Variants in NBEA observed in about 807,000 individuals in gnomAD.
NBEA encodes the protein neurobeachin.
In NBEA, 44 loss-of-function variants were observed where a neutral mutation model predicts 343.4. That is an observed-to-expected ratio of 0.13 (90% CI 0.10 to 0.16). The LOEUF is 0.16. Among genes scored for constraint, NBEA ranks in the 10% least tolerant of loss-of-function variants. The pLI is 1.00. For missense variants in NBEA, 2,555 were observed against 3,631.3 expected (o/e 0.70, Z 7.62); for synonymous variants, 1,175 against 1,238.7 (o/e 0.95, Z 1.08).
Position 35,157,287 on chromosome 13 carries a change from C to T in NBEA, c.2844+17C>T. 1 of 1,503,516 alleles carries T rather than the reference C, an allele frequency of 6.7e-7. No individual in the cohort carries two copies. Among genetic ancestry groups the T allele is most frequent in the African/African-American group, 1.4e-5 (1 of 71,540 alleles). The allele number at this position is 1,503,516 out of a possible 1,614,324, so 93.1% of individuals were successfully genotyped here. On this transcript the variant is annotated intron_variant, in intron 21 of 58. Coordinates refer to ENST00000379939, the MANE Select transcript of NBEA (RefSeq NM_001385012.1). ...CATTCCAAGGTAACACGGGATTTAA[C>T]ATTTTAACATCATCAGAGTTATTGC... is the stretch of plus-strand genomic sequence containing the variant.
chr13:35,532,081 G>T (rs1282067105), intron 41 of NBEA, among the ~76,000 whole-genome samples: 2 of 152,146 alleles, frequency 1.3e-5, no homozygotes, highest in Non-Finnish European at 2.9e-5. Context: ...GCTTCAAATT[G>T]TCAGCTATTA....
intron 38 of NBEA, among the ~76,000 whole-genome samples, chr13:35,369,330 G>A (rs954902451): frequency 6.6e-6 from 1 of 151,572 alleles, no homozygotes; most frequent in Non-Finnish European, 1.5e-5. Context: ...GATGCCTGCA[G>A]CTTTGTCCTT....
chr13:35,606,695 C>T, intron 48 of NBEA, 117 bp downstream of exon 48: 2 of 786,870 alleles, frequency 2.5e-6, no homozygotes, highest in Middle Eastern at 2.5e-4. Context: ...TCTATAAATA[C>T]AAGCTTAAAA....
chr13:35,336,607 A>G (rs966746501), intron 36 of NBEA, among the ~76,000 whole-genome samples: 1 of 152,126 alleles, frequency 6.6e-6, no homozygotes, highest in African/African-American at 2.4e-5. Context: ...ACAATAGCAG[A>G]GACATGGAAT....
intron 11 of NBEA, among the ~76,000 whole-genome samples, chr13:35,101,523 G>C (rs1401593268): frequency 1.3e-5 from 2 of 151,488 alleles, no homozygotes; most frequent in African/African-American, 2.4e-5. Context: ...AATATCTTTA[G>C]ATCCTTTGCC....
intron 45 of NBEA, among the ~76,000 whole-genome samples, chr13:35,575,679 C>G (rs573274493): frequency 3.3e-5 from 5 of 152,038 alleles, no homozygotes; most frequent in Non-Finnish European, 7.4e-5. Context: ...ATCAGATCAC[C>G]ATGATTATAT....
At chr13:35,093,668 A>G (rs1368243871) in intron 10 of NBEA, among the ~76,000 whole-genome samples, 23 of 151,988 alleles carry the variant, frequency 1.5e-4, no homozygotes, top group Non-Finnish European at 3.1e-4. Flanking sequence ...ACCTGTTTCC[A>G]ATTTAGAACT....
chr13:35,432,210 T>G (rs2045163725), intron 38 of NBEA, 59 bp from the exon 39 acceptor site: 1 of 1,385,090 alleles, frequency 7.2e-7, no homozygotes, highest in Admixed American at 2.7e-5. Context: ...TATAGAAAAA[T>G]GTATTTCCAG....
intron 48 of NBEA, 130 bp from the exon 49 acceptor site, chr13:35,627,951 T>C (rs2083297825): frequency 4.6e-6 from 3 of 655,924 alleles, no homozygotes; most frequent in African/African-American, 1.9e-5. Context: ...CTGATACATA[T>C]AAATCAAGTA....
At position 35,655,784 on chromosome 13, in the gene NBEA, A is replaced by G. The variant is rs769971477; in HGVS notation, c.8362+35A>G. The G allele has an allele frequency of 5.8e-6, 9 of 1,561,722 alleles. No homozygotes were observed. In the Admixed American group the frequency reaches 7.5e-5, roughly 13 times the overall value. The stretch of plus-strand genomic sequence containing the variant: ...TGTATCAAATTTGTCCTATCAAACT[A>G]TAGTTTATTTAAATATATTTTGCCT... On this transcript the variant is annotated intron_variant, in intron 55 of 58. Coordinates refer to ENST00000379939, the MANE Select transcript of NBEA (RefSeq NM_001385012.1).
intron 1 of NBEA, among the ~76,000 whole-genome samples, chr13:34,995,174 T>G (rs1278184645): frequency 6.6e-6 from 1 of 152,132 alleles, no homozygotes; most frequent in Non-Finnish European, 1.5e-5. Context: ...AAAAACTGGC[T>G]GGGTGTGGTG....
intron 34 of NBEA, among the ~76,000 whole-genome samples, chr13:35,272,745 C>G (rs1295031161): frequency 6.6e-6 from 1 of 151,972 alleles, no homozygotes; most frequent in Non-Finnish European, 1.5e-5. Flanking sequence ...CAACAAAGAT[C>G]AAAAGAAACA....
chr13:35,432,240 G>C (rs776802037), intron 38 of NBEA, 29 bp from the exon 39 acceptor site: 6 of 1,557,244 alleles, frequency 3.9e-6, no homozygotes, highest in Non-Finnish European at 5.2e-6. Flanking sequence ...GTTATTAATA[G>C]GGATTACTTT....
intron 33 of NBEA, among the ~76,000 whole-genome samples, chr13:35,231,866 TC>T (rs1354347901): frequency 6.6e-6 from 1 of 152,122 alleles, no homozygotes; most frequent in Non-Finnish European, 1.5e-5. Context: ...ATTTTCCTCC[TC>T]CCCATTTTTT....
chr13:35,601,771 A>AAAAAAAAAAAAAAAT (rs2082060897), intron 47 of NBEA, among the ~76,000 whole-genome samples: 1 of 32,946 alleles, frequency 3.0e-5, no homozygotes, highest in African/African-American at 5.1e-5. Context: ...CAAAAAAAAA[A>AAAAAAAAAAAAAAAT]AAAAAAAAAA....
chr13:35,348,322 A>G (rs1351870507), intron 36 of NBEA, among the ~76,000 whole-genome samples: 1 of 152,138 alleles, frequency 6.6e-6, no homozygotes, highest in Non-Finnish European at 1.5e-5. Flanking sequence ...AAGTGTGGGA[A>G]AAGAATATAT....
intron 2 of NBEA, among the ~76,000 whole-genome samples, chr13:35,042,229 C>T (rs1323712072): frequency 4.6e-5 from 7 of 151,770 alleles, no homozygotes; most frequent in African/African-American, 1.7e-4. Context: ...TAATTACCTT[C>T]AGGGTGGCAT....
rs1055550398 is a variant in NBEA at position 35,628,199 on chromosome 13, A to G, written c.7568A>G (p.Tyr2523Cys). The G allele has an allele frequency of 3.1e-6, 5 of 1,612,982 alleles. No homozygotes were observed. In the African/African-American group the frequency reaches 5.3e-5, roughly 17 times the overall value. ...RALNVFHYLT[Y>C]EGSVNLDSIT... ...CTGAATGTTTTTCACTACTTGACTT[A>G]TGAAGGCTCTGTGAACCTGGATAGT... is the stretch of plus-strand genomic sequence containing the variant. The change falls in exon 49 of 59, where the codon TAT becomes TGT. Residue 2523 changes from tyrosine (Y) to cysteine (C), a missense_variant. Physicochemically the swap from Tyr to Cys is radical, Grantham distance 194. Coordinates refer to ENST00000379939, the MANE Select transcript of NBEA (RefSeq NM_001385012.1).
chr13:35,111,743 A>T (rs2066218676), intron 13 of NBEA, among the ~76,000 whole-genome samples: 1 of 151,940 alleles, frequency 6.6e-6, no homozygotes, highest in African/African-American at 2.4e-5. Flanking sequence ...ATTTGTTTAA[A>T]ATTACTGAGA....
Sources: gnomAD v4.1 joint callset for allele counts (sites outside exome capture counted in the v4.1 genomes callset) on GRCh38, gnomAD v4.1.1 for gene constraint, MANE v1.5 for transcripts, NCBI Gene and HGNC (gene_info 2026-07-23, HGNC 2026-07-21) for gene names.